Variants in DYNC2H1 observed in about 807,000 individuals in gnomAD.
The protein encoded by DYNC2H1 is cytoplasmic dynein 2 heavy chain 1.
In DYNC2H1, 410 loss-of-function variants were observed where a neutral mutation model predicts 570.0. The ratio of observed to expected loss-of-function variants is 0.72; its 90% CI spans 0.66 to 0.78. The LOEUF (loss-of-function observed/expected upper bound fraction) is 0.78. Among genes scored for constraint, DYNC2H1 ranks in the 30% least tolerant of loss-of-function variants. The pLI, the probability that DYNC2H1 is intolerant of heterozygous loss-of-function variation, is 0.00. For missense variants in DYNC2H1, 4,865 were observed against 5,046.4 expected (o/e 0.96, Z 1.09); for synonymous variants, 1,688 against 1,677.6 (o/e 1.01, Z -0.15).
chr11:103,462,553 CATTT>C (rs958556373), intron 87 of DYNC2H1, among the ~76,000 whole-genome samples: 3 of 152,274 alleles, frequency 2.0e-5, no homozygotes, highest in South Asian at 4.1e-4. Context: ...ATTCCTTCCA[CATTT>C]ATTAGCTAAA....
rs372964069 is a variant in DYNC2H1 at position 103,171,074 on chromosome 11, G to A, written c.5334+6G>A. On this transcript the variant is annotated splice_donor_region_variant and intron_variant, in intron 34 of 88. Transcript: ENST00000375735. ...GTGAACTGCTTGGCAAGGAGGTATAGAATATGTTGGGAATTTAAAGAATTA... is the reference window on the plus strand; with the variant it reads ...GTGAACTGCTTGGCAAGGAGGTATAAAATATGTTGGGAATTTAAAGAATTA... 3.0e-4 allele frequency: 474 copies of A among 1,560,804 alleles called. 1 individual carries two copies. In the African/African-American group the frequency reaches 6.0e-3, roughly 20 times the overall value.
chr11:103,424,483 G>C (rs1246929161), intron 84 of DYNC2H1, among the ~76,000 whole-genome samples: 10 of 152,074 alleles, frequency 6.6e-5, no homozygotes, highest in Non-Finnish European at 1.5e-4. Context: ...AGAAACGAAA[G>C]CATATGCCAT....
At chr11:103,238,761 G>A (rs1033115015) in intron 63 of DYNC2H1, among the ~76,000 whole-genome samples, 3 of 152,152 alleles carry the variant, frequency 2.0e-5, no homozygotes, top group African/African-American at 4.8e-5. Flanking sequence ...ATGTATTGCC[G>A]CAGAGAGTAA....
At chr11:103,272,996 G>A (rs1413782573) in intron 70 of DYNC2H1, among the ~76,000 whole-genome samples, 2 of 151,362 alleles carry the variant, frequency 1.3e-5, no homozygotes, top group Non-Finnish European at 2.9e-5. Context: ...CAAATTTCTT[G>A]ATCTGATAAA....
intron 47 of DYNC2H1, among the ~76,000 whole-genome samples, chr11:103,192,806 T>A (rs996826239): frequency 6.6e-6 from 1 of 152,166 alleles, no homozygotes. Context: ...GTGGGAGTAA[T>A]GTATGTAATA....
In DYNC2H1 at chr11:103,182,366, G is replaced by A. The variant is rs183079395; in HGVS notation, c.6477+480G>A. On this transcript the variant is annotated intron_variant, in intron 40 of 88. Transcript: ENST00000375735. ...TAAGGTTAAAAACAATATGAAGTTA[G>A]CACTAAACTAGAAAAGGGATGGTGA... is the stretch of plus-strand genomic sequence containing the variant. Among the ~76,000 whole-genome samples the A allele has an allele frequency of 2.3e-3, 354 of 151,260 alleles. 1 individual carries two copies. Among genetic ancestry groups the A allele is most frequent in the Middle Eastern group, 0.01 (3 of 288 alleles).
At chr11:103,354,800 G>C (rs1406849713) in intron 82 of DYNC2H1, among the ~76,000 whole-genome samples, 1 of 135,236 alleles carries the variant, frequency 7.4e-6, no homozygotes, top group South Asian at 2.5e-4. Context: ...CTAGCTTCTT[G>C]TAAGATCTTT....
intron 45 of DYNC2H1, among the ~76,000 whole-genome samples, chr11:103,190,234 T>C (rs1465429207): frequency 6.6e-6 from 1 of 152,146 alleles, no homozygotes; most frequent in East Asian, 1.9e-4. Context: ...TCTTCCTAGA[T>C]AAAATGGGGA....
intron 83 of DYNC2H1, among the ~76,000 whole-genome samples, chr11:103,359,213 T>A (rs2135528010): frequency 6.6e-6 from 1 of 152,350 alleles, no homozygotes. Flanking sequence ...TATCTCTGTT[T>A]TTTATAAGAA....
At chr11:103,216,332 T>A (rs1371916940) in intron 55 of DYNC2H1, among the ~76,000 whole-genome samples, 2 of 152,206 alleles carry the variant, frequency 1.3e-5, no homozygotes, top group African/African-American at 2.4e-5. Flanking sequence ...TTGAACCCTT[T>A]CAAGGGAGAT....
intron 58 of DYNC2H1, among the ~76,000 whole-genome samples, chr11:103,222,635 A>G (rs1863630454): frequency 6.6e-6 from 1 of 152,230 alleles, no homozygotes; most frequent in Non-Finnish European, 1.5e-5. Flanking sequence ...AATCACATGT[A>G]TAGAAGAAAA....
chr11:103,405,734 G>A (rs927291215), intron 84 of DYNC2H1: 1 of 151,950 alleles, frequency 6.6e-6, no homozygotes, highest in Non-Finnish European at 1.5e-5. Context: ...CGAATTAGAA[G>A]GCTTAAGGCG....
intron 78 of DYNC2H1, among the ~76,000 whole-genome samples, chr11:103,310,261 A>AT (rs1258051290): frequency 4.0e-5 from 6 of 150,638 alleles, no homozygotes; most frequent in South Asian, 2.1e-4. Context: ...CTGTCTTTAG[A>AT]TTTTTTCTCG....
intron 78 of DYNC2H1, among the ~76,000 whole-genome samples, chr11:103,310,698 T>TTC (rs1867544754): frequency 1.5e-5 from 1 of 65,800 alleles, no homozygotes; most frequent in Non-Finnish European, 2.5e-5. Flanking sequence ...TTTTTTTTTT[T>TTC]GGGAGACTGA....
Position 103,209,991 on chromosome 11 carries a change from G to T in DYNC2H1, c.8539+31G>T. ...ATTTTGATAAAATCAGTTTGATCTG[G>T]TTTTTATTTATGAAATAATTGCCGT... On this transcript the variant is annotated intron_variant, in intron 53 of 88. Transcript: ENST00000375735. This position sits in a 1 kb window ranked among gnomAD's most constrained non-coding sequence, Gnocchi z 4.2. 7.0e-7 allele frequency: 1 copy of T among 1,423,230 alleles called. No individual in the cohort carries two copies. The highest frequency in any genetic ancestry group is 9.2e-7 in the Non-Finnish European group (1 of 1,086,828). 88.2% of individuals were successfully genotyped at this position (1,423,230 alleles called of 1,614,324 possible). A position where few individuals can be genotyped will look rare whatever the true frequency, so the allele number is the denominator to read the frequency against.
At chr11:103,130,314 A>G (rs1859208960) in intron 13 of DYNC2H1, among the ~76,000 whole-genome samples, 1 of 152,166 alleles carries the variant, frequency 6.6e-6, no homozygotes, top group African/African-American at 2.4e-5. Context: ...CTCTTCTGAA[A>G]TCTAAGTTCC....
intron 84 of DYNC2H1, among the ~76,000 whole-genome samples, chr11:103,400,567 C>G (rs1591687559): frequency 1.3e-5 from 2 of 151,888 alleles, no homozygotes; most frequent in East Asian, 3.9e-4. Context: ...ATGTTCTGCA[C>G]AGATTTATTT....
intron 54 of DYNC2H1, among the ~76,000 whole-genome samples, chr11:103,213,493 T>C (rs1306277255): frequency 6.6e-6 from 1 of 152,138 alleles, no homozygotes; most frequent in African/African-American, 2.4e-5. Flanking sequence ...TAAAATGTTA[T>C]ATATAATGAT....
At position 103,256,350 on chromosome 11, in the gene DYNC2H1, A is replaced by G. The variant is rs1176262564; in HGVS notation, c.10461+110A>G. ...CAGGGGAAAGATGATGTGAAAAGAAAAAAGCTATTCAAAAACATCAGAACA... is the reference window on the plus strand; with the variant it reads ...CAGGGGAAAGATGATGTGAAAAGAAGAAAGCTATTCAAAAACATCAGAACA... On this transcript the variant is annotated intron_variant, in intron 68 of 88. Coordinates refer to ENST00000375735, the MANE Select transcript of DYNC2H1 (RefSeq NM_001377.3). This position sits in a 1 kb window ranked among gnomAD's most constrained non-coding sequence, Gnocchi z 4.0. The G allele has an allele frequency of 5.3e-6, 6 of 1,133,360 alleles. No individual in the cohort carries two copies. Among genetic ancestry groups the G allele is most frequent in the South Asian group, 1.6e-5 (1 of 63,212 alleles). The allele number at this position is 1,133,360 out of a possible 1,614,324, so 70.2% of individuals were successfully genotyped here.
Sources: gnomAD v4.1 joint callset for allele counts (sites outside exome capture counted in the v4.1 genomes callset) on GRCh38, gnomAD v4.1.1 for gene constraint, Gnocchi (gnomAD v3.1) non-coding constraint, MANE v1.5 for transcripts, NCBI Gene and HGNC (gene_info 2026-07-23, HGNC 2026-07-21) for gene names.